The following PAK5 variants were observed in gnomAD, a reference collection of about 807,000 sequenced individuals.
PAK5 encodes p21 (RAC1) activated kinase 5.
PAK5 carries 16 observed loss-of-function variants against 65.9 expected under a neutral mutation model. The ratio of observed to expected loss-of-function variants is 0.24; its 90% CI spans 0.16 to 0.37. The LOEUF is 0.37. PAK5 is among the 10% of genes least tolerant of loss of function. The pLI is 1.00. For missense variants in PAK5, 785 were observed against 903.9 expected, an observed-to-expected ratio of 0.87 and a Z score of 1.69; for synonymous variants, 371 against 354.9, an observed-to-expected ratio of 1.05 and a Z score of -0.51.
chr20:9,613,621 T>C (rs534688800), intron 3 of PAK5, among the ~76,000 whole-genome samples: 1 of 152,380 alleles, frequency 6.6e-6, no homozygotes, highest in Admixed American at 6.5e-5. Context: ...CATTTAGTTC[T>C]TAACAAGGCC....
intron 4 of PAK5, among the ~76,000 whole-genome samples, chr20:9,568,104 T>TGAAGACCTTGGC (rs1341829508): frequency 2.0e-5 from 3 of 152,168 alleles, no homozygotes; most frequent in African/African-American, 7.2e-5. Flanking sequence ...GGACAGATCA[T>TGAAGACCTTGGC]GAAGACCTTG....
At chr20:9,663,227 T>C (rs1175201377) in intron 2 of PAK5, among the ~76,000 whole-genome samples, 1 of 152,188 alleles carries the variant, frequency 6.6e-6, no homozygotes. Flanking sequence ...TTACCCAACC[T>C]TGATTTTAGT....
chr20:9,718,661 T>C (rs1569057026), intron 1 of PAK5, among the ~76,000 whole-genome samples: 2 of 152,166 alleles, frequency 1.3e-5, no homozygotes, highest in Non-Finnish European at 2.9e-5. Flanking sequence ...AATAATAAAC[T>C]GAATTGAGAA....
intron 1 of PAK5, among the ~76,000 whole-genome samples, chr20:9,805,664 A>G (rs753987068): frequency 6.6e-6 from 1 of 152,222 alleles, no homozygotes; most frequent in African/African-American, 2.4e-5. Flanking sequence ...AATTACACAT[A>G]TAAGAAGTAT....
intron 3 of PAK5, among the ~76,000 whole-genome samples, chr20:9,627,172 T>C (rs1158697931): frequency 6.6e-6 from 1 of 152,252 alleles, no homozygotes; most frequent in Non-Finnish European, 1.5e-5. Context: ...AGAAGGTTTA[T>C]CACATTCAGC....
Position 9,779,451 on chromosome 20 carries a change from T to C in PAK5, c.-162+59311A>G, listed in dbSNP as rs904404685. ...GGGCTAGACTTTTTCAGTATCGTTC[T>C]TTTTTTCACATTTTTCTTGGCTTTT... On this transcript the variant is annotated intron_variant, in intron 1 of 9. Coordinates refer to ENST00000353224, the MANE Select transcript of PAK5 (RefSeq NM_177990.4). Among the ~76,000 whole-genome samples, 3 of 148,460 alleles carry C rather than the reference T, an allele frequency of 2.0e-5. No homozygotes were observed. In the Admixed American group the frequency reaches 2.0e-4, roughly 10 times the overall value.
chr20:9,745,744 A>G (rs537495127), intron 1 of PAK5, among the ~76,000 whole-genome samples: 1 of 152,236 alleles, frequency 6.6e-6, no homozygotes, highest in African/African-American at 2.4e-5. Context: ...CTGCCACTCC[A>G]TGGATCACAT....
intron 2 of PAK5, among the ~76,000 whole-genome samples, chr20:9,668,531 A>G (rs2047450081): frequency 6.6e-6 from 1 of 152,196 alleles, no homozygotes; most frequent in Non-Finnish European, 1.5e-5. Flanking sequence ...ATGAAGGAAA[A>G]TAGCCAGGAT....
intron 1 of PAK5, among the ~76,000 whole-genome samples, chr20:9,812,136 C>T (rs1207240989): frequency 6.6e-6 from 1 of 152,090 alleles, no homozygotes; most frequent in African/African-American, 2.4e-5. Context: ...GTGCCAATCA[C>T]TATTCTAGTT....
chr20:9,713,428 A>T (rs1401515712), intron 1 of PAK5, among the ~76,000 whole-genome samples: 1 of 152,110 alleles, frequency 6.6e-6, no homozygotes, highest in Non-Finnish European at 1.5e-5. Context: ...ATGTAAAGTA[A>T]TACAGCAATT....
intron 1 of PAK5, among the ~76,000 whole-genome samples, chr20:9,793,989 A>T (rs911907510): frequency 1.3e-5 from 2 of 152,276 alleles, no homozygotes; most frequent in East Asian, 1.9e-4. Flanking sequence ...ATGGAATACT[A>T]TGCAGCCATA....
At chr20:9,717,458 T>TA (rs1427766836) in intron 1 of PAK5, among the ~76,000 whole-genome samples, 2 of 152,230 alleles carry the variant, frequency 1.3e-5, no homozygotes, top group African/African-American at 4.8e-5. Context: ...AGCAGCATTT[T>TA]AGTCACCGAA....
intron 1 of PAK5, among the ~76,000 whole-genome samples, chr20:9,744,283 A>G (rs2048482641): frequency 6.6e-6 from 1 of 152,218 alleles, no homozygotes. Flanking sequence ...GAGCCTAAAG[A>G]TTAATACAAA....
chr20:9,831,918 C>T (rs1189351746), intron 1 of PAK5, among the ~76,000 whole-genome samples: 2 of 152,086 alleles, frequency 1.3e-5, no homozygotes, highest in East Asian at 1.9e-4. Flanking sequence ...TTAAATATAC[C>T]TGCATGATGT....
chr20:9,729,836 G>A (rs2048316286), intron 1 of PAK5, among the ~76,000 whole-genome samples: 1 of 151,598 alleles, frequency 6.6e-6, no homozygotes, highest in Non-Finnish European at 1.5e-5. Flanking sequence ...GCAAAACTCT[G>A]TCTCTACAAG....
At chr20:9,558,760 C>T (rs1568962414) in intron 6 of PAK5, among the ~76,000 whole-genome samples, 7 of 152,158 alleles carry the variant, frequency 4.6e-5, no homozygotes. Flanking sequence ...TTACTAATAA[C>T]AGAGTGTGAA....
At chr20:9,580,082 G>A (rs1011625219) in intron 4 of PAK5, 63 bp downstream of exon 4, 75 of 1,381,640 alleles carry the variant, frequency 5.4e-5, no homozygotes, top group East Asian at 1.2e-4. Flanking sequence ...TAAAAAGGTC[G>A]TGCCAGCACC....
intron 2 of PAK5, among the ~76,000 whole-genome samples, chr20:9,709,590 A>T (rs1212669534): frequency 1.3e-5 from 2 of 152,146 alleles, no homozygotes; most frequent in Non-Finnish European, 2.9e-5. Context: ...CTTTTTAATT[A>T]TCCAGCACTG....
intron 1 of PAK5, among the ~76,000 whole-genome samples, chr20:9,745,192 T>A (rs930163793): frequency 2.6e-5 from 4 of 152,152 alleles, no homozygotes; most frequent in African/African-American, 9.7e-5. Flanking sequence ...TAGCGATTAA[T>A]TGAAAGTTGT....
Sources: gnomAD v4.1 joint callset for allele counts (sites outside exome capture counted in the v4.1 genomes callset) on GRCh38, gnomAD v4.1.1 for gene constraint, MANE v1.5 for transcripts, NCBI Gene and HGNC (gene_info 2026-07-23, HGNC 2026-07-21) for gene names.